The following FLYWCH2 variants were observed in gnomAD, a reference collection of about 807,000 sequenced individuals.
The protein encoded by FLYWCH2 is FLYWCH family member 2.
A neutral mutation model predicts 6.0 loss-of-function variants in FLYWCH2; 2 were observed. That is an observed-to-expected ratio of 0.33 (90% confidence interval 0.14 to 1.04). The LOEUF (loss-of-function observed/expected upper bound fraction) is 1.04. FLYWCH2 is among the 50% of genes least tolerant of loss of function. The pLI is 0.45. For synonymous variants in FLYWCH2, 87 were observed against 79.3 expected (o/e 1.10, Z -0.52); for missense variants, 192 against 183.4 (o/e 1.05, Z -0.27).
chr16:2,893,634 CTTTTTTTTTTTTT>C (rs35147234), intron 1 of FLYWCH2, among the ~76,000 whole-genome samples: 3 of 111,930 alleles, frequency 2.7e-5, no homozygotes, highest in Admixed American at 1.0e-4. Flanking sequence ...TTCTTTTCTT[CTTTTTTTTTTTTT>C]TTTTTTTTGA....
intron 1 of FLYWCH2, among the ~76,000 whole-genome samples, chr16:2,886,348 A>AAGCTTGGCTAATT (rs1349645451): frequency 6.6e-6 from 1 of 151,104 alleles, no homozygotes; most frequent in African/African-American, 2.5e-5. Context: ...ATGTGCCACC[A>AAGCTTGGCTAATT]TGCCACCAAT....
At chr16:2,884,561 A>AAAAAAAAAAAAC (rs2069675303) in intron 1 of FLYWCH2, among the ~76,000 whole-genome samples, 1 of 140,926 alleles carries the variant, frequency 7.1e-6, no homozygotes, top group African/African-American at 2.6e-5. Flanking sequence ...TCTCTACTAA[A>AAAAAAAAAAAAC]AAAAAAAAAA....
At chr16:2,895,023 T>C (rs1197268544) in intron 1 of FLYWCH2, among the ~76,000 whole-genome samples, 197 bp from the exon 2 acceptor site, 1 of 152,100 alleles carries the variant, frequency 6.6e-6, no homozygotes. Context: ...CTGCCCAAGC[T>C]GCAGTCTTGT....
intron 1 of FLYWCH2, among the ~76,000 whole-genome samples, chr16:2,884,596 C>A (rs1471379109): frequency 9.4e-6 from 1 of 106,138 alleles, no homozygotes; most frequent in Non-Finnish European, 2.0e-5. Context: ...TTAGTCGGGG[C>A]CGGCGCGGTG....
chr16:2,896,430 G>A lies in FLYWCH2; in HGVS notation c.-20G>A. On this transcript the variant is annotated 5_prime_UTR_variant, in exon 3 of 4. Coordinates refer to ENST00000396958, the MANE Select transcript of FLYWCH2 (RefSeq NM_138439.3). ...GCTGGGGGCTGAGTGTGGCCTGAGG[G>A]ACAGGCCCTGGGTCCCGGGATGCCC... 6 of 1,596,204 alleles carry A rather than the reference G, an allele frequency of 3.8e-6. No individual in the cohort carries two copies. The highest frequency in any genetic ancestry group is 5.1e-6 in the Non-Finnish European group (6 of 1,171,644).
At chr16:2,892,912 A>G (rs1201037648) in intron 1 of FLYWCH2, among the ~76,000 whole-genome samples, 2 of 144,222 alleles carry the variant, frequency 1.4e-5, no homozygotes, top group Non-Finnish European at 3.0e-5. Context: ...CATATAATAT[A>G]TATTATATAT....
At chr16:2,889,131 T>G (rs573461048) in intron 1 of FLYWCH2, among the ~76,000 whole-genome samples, 35 of 103,598 alleles carry the variant, frequency 3.4e-4, no homozygotes, top group East Asian at 3.1e-3. Flanking sequence ...TTGGTGTTTT[T>G]TTGTTGTTGT....
chr16:2,898,731 C>G (rs2069850007), intron 3 of FLYWCH2: 1 of 273,638 alleles, frequency 3.7e-6, no homozygotes, highest in Admixed American at 5.5e-5. Context: ...CAGGCATCGA[C>G]CACCCCCATC....
Position 2,899,207 on chromosome 16 carries a change from C to A in FLYWCH2, c.*58C>A, listed in dbSNP as rs2069857054. ...AACCCAGCCATAGGCTCTTCTCTGT[C>A]CGCAGGGCTTCTGGGGCCAAATGGG... On this transcript the variant is annotated 3_prime_UTR_variant, in exon 4 of 4. Transcript: ENST00000396958. The A allele has an allele frequency of 3.1e-6, 4 of 1,271,316 alleles. No homozygotes were observed. The highest frequency in any genetic ancestry group is 4.4e-6 in the Non-Finnish European group (4 of 915,360). The allele number at this position is 1,271,316 out of a possible 1,614,324, so 78.8% of individuals were successfully genotyped here.
Position 2,899,208 on chromosome 16 carries a change from C to A in FLYWCH2, c.*59C>A. 1 of 1,252,960 alleles carries A rather than the reference C, an allele frequency of 8.0e-7. No homozygotes were observed. The highest frequency in any genetic ancestry group is 1.1e-6 in the Non-Finnish European group (1 of 899,782). The allele number at this position is 1,252,960 out of a possible 1,614,324, so 77.6% of individuals were successfully genotyped here. On this transcript the variant is annotated 3_prime_UTR_variant, in exon 4 of 4. Coordinates refer to ENST00000396958, the MANE Select transcript of FLYWCH2 (RefSeq NM_138439.3). ...ACCCAGCCATAGGCTCTTCTCTGTCCGCAGGGCTTCTGGGGCCAAATGGGT... is the reference window on the plus strand; with the variant it reads ...ACCCAGCCATAGGCTCTTCTCTGTCAGCAGGGCTTCTGGGGCCAAATGGGT...
chr16:2,887,286 C>T (rs975898608), intron 1 of FLYWCH2, among the ~76,000 whole-genome samples: 5 of 149,636 alleles, frequency 3.3e-5, no homozygotes, highest in African/African-American at 4.9e-5. Context: ...GCTGGGACCA[C>T]GGGTGCACAC....
At chr16:2,898,579 T>G (rs2069848434) in intron 3 of FLYWCH2, among the ~76,000 whole-genome samples, 1 of 152,162 alleles carries the variant, frequency 6.6e-6, no homozygotes, top group African/African-American at 2.4e-5. Flanking sequence ...CCCAGCCCCT[T>G]TGAGACTCCT....
In FLYWCH2 at chr16:2,896,487, G is replaced by A. The variant is rs761702978; in HGVS notation, c.38G>A (p.Ser13Asn). The A allele has an allele frequency of 1.9e-6, 3 of 1,613,808 alleles. No individual in the cohort carries two copies. The highest frequency in any genetic ancestry group is 1.7e-5 in the Admixed American group (1 of 59,996). ...LPEPSEQEGESVKASQEPSPK... is the reference protein window; with the variant it reads ...LPEPSEQEGENVKASQEPSPK... ...GAGCCCAGCGAGCAGGAGGGTGAGAGTGTGAAGGCCAGCCAGGAGCCATCC... is the reference window on the plus strand; with the variant it reads ...GAGCCCAGCGAGCAGGAGGGTGAGAATGTGAAGGCCAGCCAGGAGCCATCC... The change falls in exon 3 of 4, where the codon AGT (serine) becomes AAT (asparagine). Residue 13 changes from serine (S) to asparagine (N), a missense_variant. Transcript: ENST00000396958.
chr16:2,892,925 C>T (rs554593913), intron 1 of FLYWCH2, among the ~76,000 whole-genome samples: 24 of 146,098 alleles, frequency 1.6e-4, no homozygotes, highest in African/African-American at 5.8e-4. Flanking sequence ...TTATATATGT[C>T]ATATATATAC....
intron 1 of FLYWCH2, among the ~76,000 whole-genome samples, chr16:2,892,961 A>G (rs2069775916): frequency 1.4e-5 from 2 of 147,314 alleles, no homozygotes; most frequent in Admixed American, 6.9e-5. Flanking sequence ...TGTGTCATAT[A>G]TCGTATATAA....
At chr16:2,884,576 A>AAAAAAAAAAT (rs1567301749) in intron 1 of FLYWCH2, among the ~76,000 whole-genome samples, 6 of 143,048 alleles carry the variant, frequency 4.2e-5, no homozygotes, top group Non-Finnish European at 6.1e-5. Flanking sequence ...AAAAAAAAAA[A>AAAAAAAAAAT]ATACAAAAAT....
At chr16:2,896,165 G>C (rs569922732) in intron 2 of FLYWCH2, among the ~76,000 whole-genome samples, 187 bp from the exon 3 acceptor site, 2 of 152,298 alleles carry the variant, frequency 1.3e-5, no homozygotes, top group South Asian at 4.1e-4. Context: ...GGTTGGATGG[G>C]GCTGACGTTC....
intron 1 of FLYWCH2, among the ~76,000 whole-genome samples, chr16:2,892,230 C>T (rs1054287143): frequency 6.6e-6 from 1 of 150,412 alleles, no homozygotes; most frequent in African/African-American, 2.5e-5. Flanking sequence ...TGTGGTAGCT[C>T]ATGCCTGTAA....
intron 1 of FLYWCH2, among the ~76,000 whole-genome samples, chr16:2,893,871 C>A (rs1201534477): frequency 6.6e-6 from 1 of 151,912 alleles, no homozygotes; most frequent in East Asian, 1.9e-4. Context: ...ATCTCCTGAC[C>A]TTGTGATCCG....
Sources: gnomAD v4.1 joint callset for allele counts (sites outside exome capture counted in the v4.1 genomes callset) on GRCh38, gnomAD v4.1.1 for gene constraint, MANE v1.5 for transcripts, NCBI Gene and HGNC (gene_info 2026-07-23, HGNC 2026-07-21) for gene names.